The following ANKRD33B variants were observed in gnomAD, a reference collection of about 807,000 sequenced individuals.
ANKRD33B encodes the protein ankyrin repeat domain 33B.
Under a neutral mutation model 21.5 loss-of-function variants are expected in ANKRD33B, and 6 were observed. The ratio of observed to expected loss-of-function variants is 0.28; its 90% CI spans 0.15 to 0.55. The LOEUF (loss-of-function observed/expected upper bound fraction) is 0.55. Ranked by LOEUF, ANKRD33B falls within the 20% of genes least tolerant of loss-of-function variation. The pLI is 0.94. For missense variants in ANKRD33B, 698 were observed against 747.2 expected (o/e 0.93, Z 0.77); for synonymous variants, 347 against 342.4 (o/e 1.01, Z -0.15).
intron 1 of ANKRD33B, among the ~76,000 whole-genome samples, chr5:10,586,485 CTGTGTGTGTG>C (rs55940283): frequency 0.18 from 25,084 of 140,338 alleles, 2,170 homozygotes; most frequent in Non-Finnish European, 0.19. Context: ...GTTCTTGTAA[CTGTGTGTGTG>C]TGTGTGTGTG....
intron 3 of ANKRD33B, among the ~76,000 whole-genome samples, chr5:10,643,946 T>C (rs1244528033): frequency 2.0e-5 from 3 of 151,820 alleles, no homozygotes; most frequent in South Asian, 2.1e-4. Context: ...ACTACTAAGC[T>C]TACAGTTCTC....
chr5:10,644,547 A>T (rs547081220), intron 3 of ANKRD33B, among the ~76,000 whole-genome samples: 9 of 152,294 alleles, frequency 5.9e-5, no homozygotes, highest in Non-Finnish European at 1.2e-4. Flanking sequence ...TCTTCCTGTG[A>T]TTCCAAGGCG....
At chr5:10,628,871 G>A (rs1012347462) in intron 2 of ANKRD33B, among the ~76,000 whole-genome samples, 1 of 152,126 alleles carries the variant, frequency 6.6e-6, no homozygotes, top group Non-Finnish European at 1.5e-5. Flanking sequence ...GGAGTTGGAA[G>A]GGATGGCTCA....
intron 1 of ANKRD33B, among the ~76,000 whole-genome samples, chr5:10,611,476 G>C (rs889161905): frequency 6.6e-6 from 1 of 152,172 alleles, no homozygotes; most frequent in Non-Finnish European, 1.5e-5. Context: ...CTGTGGTTAA[G>C]AGTTTGGTGC....
intron 2 of ANKRD33B, among the ~76,000 whole-genome samples, chr5:10,625,649 C>T (rs977742211): frequency 5.3e-5 from 8 of 152,150 alleles, no homozygotes; most frequent in African/African-American, 1.9e-4. Flanking sequence ...GTGGTGGACC[C>T]GGCTCTTAGG....
intron 1 of ANKRD33B, among the ~76,000 whole-genome samples, chr5:10,610,907 G>C (rs1736155590): frequency 6.6e-6 from 1 of 152,102 alleles, no homozygotes; most frequent in South Asian, 2.1e-4. Context: ...AGCTGGGTGT[G>C]GTGGCGGGAG....
chr5:10,603,246 A>G (rs539891485), intron 1 of ANKRD33B, among the ~76,000 whole-genome samples: 90 of 151,840 alleles, frequency 5.9e-4, no homozygotes, highest in African/African-American at 2.1e-3. Flanking sequence ...GCTTCATCAG[A>G]ATTTTTTCAT....
chr5:10,650,650 A>G lies in ANKRD33B; in HGVS notation c.*537A>G, dbSNP rs1737328812. On this transcript the variant is annotated 3_prime_UTR_variant, in exon 4 of 4. Coordinates refer to ENST00000296657, the MANE Select transcript of ANKRD33B (RefSeq NM_001164440.2). ...TTCTCCTCATCGTGGGTGTAGGTGC[A>G]CACTGGATGTTCTTAGTCATTAGAT... 6.6e-6 allele frequency: 1 copy of G among 152,342 alleles called. No individual in the cohort carries two copies. Among genetic ancestry groups the G allele is most frequent in the Admixed American group, 6.5e-5 (1 of 15,282 alleles). 9.4% of individuals were successfully genotyped at this position (152,342 alleles called of 1,614,324 possible). A position where few individuals can be genotyped will look rare whatever the true frequency, so the allele number is the denominator to read the frequency against.
At chr5:10,606,790 G>T (rs568522349) in intron 1 of ANKRD33B, among the ~76,000 whole-genome samples, 8 of 150,822 alleles carry the variant, frequency 5.3e-5, no homozygotes, top group Admixed American at 1.3e-4. Flanking sequence ...GGGCAGTGGC[G>T]CAATCTCAGC....
At position 10,581,735 on chromosome 5, in the gene ANKRD33B, G is replaced by T. The variant is rs546913428; in HGVS notation, c.366+16902G>T. Among the ~76,000 whole-genome samples, 8 of 152,238 alleles carry T rather than the reference G, an allele frequency of 5.3e-5. No individual in the cohort carries two copies. In the East Asian group the frequency reaches 1.5e-3, roughly 29 times the overall value. ...GAGATTACCCTCTATAATTTGGGTG[G>T]ACCTCATCCAATCAGTTGAACAAAA... On this transcript the variant is annotated intron_variant, in intron 1 of 3. Transcript: ENST00000296657.
intron 2 of ANKRD33B, among the ~76,000 whole-genome samples, chr5:10,633,290 TG>T (rs1736774765): frequency 6.6e-6 from 1 of 152,112 alleles, no homozygotes; most frequent in East Asian, 1.9e-4. Flanking sequence ...TTAGTAGAGA[TG>T]GGGTTTCACC....
At position 10,657,700 on chromosome 5, in the gene ANKRD33B, C is replaced by G. The variant is rs938828900; in HGVS notation, c.*7587C>G. 2.0e-5 allele frequency: 3 copies of G among 152,192 alleles called. No homozygotes were observed. Among genetic ancestry groups the G allele is most frequent in the African/African-American group, 4.8e-5 (2 of 41,394 alleles). 9.4% of individuals were successfully genotyped at this position (152,192 alleles called of 1,614,324 possible). A position where few individuals can be genotyped will look rare whatever the true frequency, so the allele number is the denominator to read the frequency against. ...ATATGATTCAGAAAAAAATGTTTTTCCCTTTTAACTTCTAACAAATTATGT... is the reference window on the plus strand; with the variant it reads ...ATATGATTCAGAAAAAAATGTTTTTGCCTTTTAACTTCTAACAAATTATGT... On this transcript the variant is annotated 3_prime_UTR_variant, in exon 4 of 4. Transcript: ENST00000296657.
At chr5:10,648,712 T>C (rs1737245091) in intron 3 of ANKRD33B, among the ~76,000 whole-genome samples, 1 of 152,044 alleles carries the variant, frequency 6.6e-6, no homozygotes, top group African/African-American at 2.4e-5. Flanking sequence ...TGAACGGAGA[T>C]TGTGCCATTG....
intron 2 of ANKRD33B, among the ~76,000 whole-genome samples, chr5:10,633,316 G>A (rs969174490): frequency 1.4e-4 from 21 of 152,066 alleles, no homozygotes; most frequent in African/African-American, 3.4e-4. Context: ...TGGCCAGGAC[G>A]GTGTGATCTC....
chr5:10,641,225 C>CTTTTT lies in ANKRD33B; in HGVS notation c.637+3076_637+3080dup, dbSNP rs772445527. On this transcript the variant is annotated intron_variant, in intron 3 of 3. Coordinates refer to ENST00000296657, the MANE Select transcript of ANKRD33B (RefSeq NM_001164440.2). ...TGTCCCCAGTCTTCTTCTTCTTCTT[C>CTTTTT]TTTTTTTTTTTTTTTTTTTTTTTGA... Among the ~76,000 whole-genome samples the CTTTTT allele has an allele frequency of 7.4e-4, 57 of 77,438 alleles. 1 individual carries two copies. Among genetic ancestry groups the CTTTTT allele is most frequent in the African/African-American group, 2.0e-3 (47 of 23,392 alleles). 50.8% of individuals were successfully genotyped at this position (77,438 alleles called of 152,430 possible). A position where few individuals can be genotyped will look rare whatever the true frequency, so the allele number is the denominator to read the frequency against.
chr5:10,571,543 C>A (rs1350509961), intron 1 of ANKRD33B, among the ~76,000 whole-genome samples: 1 of 152,194 alleles, frequency 6.6e-6, no homozygotes, highest in Non-Finnish European at 1.5e-5. Context: ...CACACTGGGG[C>A]TTGTGCCTGG....
chr5:10,610,473 G>A (rs373606431), intron 1 of ANKRD33B, among the ~76,000 whole-genome samples: 50 of 151,598 alleles, frequency 3.3e-4, no homozygotes, highest in African/African-American at 1.2e-3. Flanking sequence ...TGACACAGGC[G>A]AGGATCGCAA....
At chr5:10,610,126 C>G (rs181316195) in intron 1 of ANKRD33B, among the ~76,000 whole-genome samples, 2 of 152,286 alleles carry the variant, frequency 1.3e-5, no homozygotes, top group African/African-American at 4.8e-5. Flanking sequence ...GGTGAAAATG[C>G]AAAGGTATTG....
intron 1 of ANKRD33B, among the ~76,000 whole-genome samples, chr5:10,592,383 C>T (rs1032629441): frequency 1.4e-5 from 2 of 138,922 alleles, no homozygotes; most frequent in East Asian, 2.2e-4. Context: ...GAGGCCAGGG[C>T]GGGCGGATCA....
Sources: allele counts gnomAD v4.1 joint callset (sites outside exome capture counted in the v4.1 genomes callset), GRCh38; gene constraint gnomAD v4.1.1; transcripts MANE v1.5; gene names NCBI Gene and HGNC (gene_info 2026-07-23, HGNC 2026-07-21).